THADA: variants seen among roughly 807,000 people sequenced by gnomAD.
THADA encodes the protein tRNA (32-2'-O)-methyltransferase regulator THADA.
In THADA, 213 loss-of-function variants were observed where a neutral mutation model predicts 219.8. The observed-to-expected ratio is 0.97, with a 90% confidence interval of 0.87 to 1.09. THADA has a LOEUF of 1.09. THADA is among the 50% of genes least tolerant of loss of function. The pLI is 0.00. For missense variants in THADA, 2,956 were observed against 2,311.3 expected (o/e 1.28, Z -5.72); for synonymous variants, 1,018 against 828.9 (o/e 1.23, Z -3.92).
At chr2:43,240,842 A>G (rs932115724) in intron 36 of THADA, among the ~76,000 whole-genome samples, 1 of 152,198 alleles carries the variant, frequency 6.6e-6, no homozygotes, top group Admixed American at 6.5e-5. Flanking sequence ...GAAAATTTAA[A>G]AAATTTCATC....
intron 25 of THADA, among the ~76,000 whole-genome samples, chr2:43,491,066 G>A (rs1452315148): frequency 1.3e-5 from 2 of 152,166 alleles, no homozygotes; most frequent in Non-Finnish European, 2.9e-5. Context: ...GTGACAGTAT[G>A]AATGGTTCAA....
At chr2:43,316,560 G>C (rs1390399122) in intron 31 of THADA, among the ~76,000 whole-genome samples, 1 of 152,200 alleles carries the variant, frequency 6.6e-6, no homozygotes, top group African/African-American at 2.4e-5. Context: ...TATGAGAACA[G>C]TGAAGGCGAG....
chr2:43,276,822 G>C (rs576635877), intron 36 of THADA, among the ~76,000 whole-genome samples: 1 of 152,030 alleles, frequency 6.6e-6, no homozygotes, highest in East Asian at 1.9e-4. Context: ...TCACTTCCTG[G>C]AATGCCACAG....
chr2:43,274,078 CA>C (rs1229185375), intron 36 of THADA, among the ~76,000 whole-genome samples: 14 of 152,216 alleles, frequency 9.2e-5, no homozygotes, highest in Admixed American at 3.3e-4. Flanking sequence ...ATTGTTATTC[CA>C]GTCTCTATGG....
At chr2:43,336,294 C>T (rs1666422377) in intron 30 of THADA, among the ~76,000 whole-genome samples, 1 of 151,738 alleles carries the variant, frequency 6.6e-6, no homozygotes, top group African/African-American at 2.4e-5. Flanking sequence ...GTTTTTGAGA[C>T]AGAGTCTCAC....
At chr2:43,407,103 G>T (rs1043379619) in intron 28 of THADA, among the ~76,000 whole-genome samples, 1 of 152,134 alleles carries the variant, frequency 6.6e-6, no homozygotes, top group African/African-American at 2.4e-5. Flanking sequence ...TAACAGGCTG[G>T]CTTTCCTTTG....
At chr2:43,293,568 G>A (rs574863032) in intron 31 of THADA, among the ~76,000 whole-genome samples, 1 of 152,216 alleles carries the variant, frequency 6.6e-6, no homozygotes, top group African/African-American at 2.4e-5. Context: ...TCCTTCAGGG[G>A]TGAAGCTCCC....
chr2:43,405,804 T>A (rs1675459979), intron 28 of THADA, among the ~76,000 whole-genome samples: 1 of 152,194 alleles, frequency 6.6e-6, no homozygotes, highest in Admixed American at 6.5e-5. Context: ...AATGTTTACA[T>A]ACGTTACCTA....
chr2:43,334,647 C>T (rs1037855801), intron 30 of THADA, among the ~76,000 whole-genome samples: 28 of 152,102 alleles, frequency 1.8e-4, no homozygotes, highest in Admixed American at 2.6e-4. Flanking sequence ...TGGTGGCGGG[C>T]GCCTGTAGTC....
At chr2:43,489,713 T>C (rs1209172121) in intron 25 of THADA, among the ~76,000 whole-genome samples, 1 of 152,074 alleles carries the variant, frequency 6.6e-6, no homozygotes, top group Non-Finnish European at 1.5e-5. Flanking sequence ...AATCTGCTGA[T>C]TTATGTGCCT....
intron 28 of THADA, among the ~76,000 whole-genome samples, chr2:43,421,822 T>C (rs1346227276): frequency 1.3e-5 from 2 of 152,262 alleles, no homozygotes; most frequent in Non-Finnish European, 2.9e-5. Context: ...AGTAGATTAA[T>C]TCCTGGAGGG....
At chr2:43,327,488 G>A (rs1156299472) in intron 30 of THADA, among the ~76,000 whole-genome samples, 1 of 151,548 alleles carries the variant, frequency 6.6e-6, no homozygotes, top group Non-Finnish European at 1.5e-5. Flanking sequence ...AGGGGGGGTG[G>A]TTAGAAGAAT....
intron 23 of THADA, among the ~76,000 whole-genome samples, chr2:43,506,825 A>G (rs1340717563): frequency 6.6e-6 from 1 of 152,196 alleles, no homozygotes; most frequent in Non-Finnish European, 1.5e-5. Flanking sequence ...ACTGGCTCTC[A>G]AGAGTGAAAG....
chr2:43,528,899 T>A (rs1463522678), intron 21 of THADA, among the ~76,000 whole-genome samples: 1 of 152,138 alleles, frequency 6.6e-6, no homozygotes, highest in Non-Finnish European at 1.5e-5. Context: ...TGTACAACCA[T>A]CACCATCATG....
intron 36 of THADA, among the ~76,000 whole-genome samples, chr2:43,273,669 G>A (rs1435504379): frequency 2.0e-5 from 3 of 152,170 alleles, no homozygotes; most frequent in African/African-American, 7.2e-5. Flanking sequence ...GGTTCCAGGA[G>A]TGGAATCATC....
chr2:43,533,676 T>A (rs1468349350), intron 21 of THADA, among the ~76,000 whole-genome samples: 1 of 151,988 alleles, frequency 6.6e-6, no homozygotes, highest in Non-Finnish European at 1.5e-5. Context: ...CATTCATAAG[T>A]GGGAGTTGAA....
At chr2:43,316,787 C>T (rs1234399233) in intron 31 of THADA, among the ~76,000 whole-genome samples, 4 of 152,078 alleles carry the variant, frequency 2.6e-5, no homozygotes, top group African/African-American at 9.7e-5. Flanking sequence ...ATTAGCCAGG[C>T]GTGGTGGCAC....
At chr2:43,587,046 C>A in intron 4 of THADA, 44 bp from the exon 5 acceptor site, 1 of 1,567,974 alleles carries the variant, frequency 6.4e-7, no homozygotes, top group South Asian at 1.2e-5. Context: ...ATCTAATAGC[C>A]CCAGAATATG....
chr2:43,380,555 G>A (rs1288011368), intron 29 of THADA, among the ~76,000 whole-genome samples: 1 of 152,202 alleles, frequency 6.6e-6, no homozygotes, highest in Non-Finnish European at 1.5e-5. Context: ...TACAGTTGCA[G>A]AAGGACAGAA....
Sources: gnomAD v4.1 joint callset for allele counts (sites outside exome capture counted in the v4.1 genomes callset) on GRCh38, gnomAD v4.1.1 for gene constraint, MANE v1.5 for transcripts, NCBI Gene and HGNC (gene_info 2026-07-23, HGNC 2026-07-21) for gene names.